The following FOXN3 variants were observed in gnomAD, a reference collection of about 807,000 sequenced individuals.
The protein encoded by FOXN3 is forkhead box N3.
Under a neutral mutation model 38.4 loss-of-function variants are expected in FOXN3, and 7 were observed. The ratio of observed to expected loss-of-function variants is 0.18; its 90% CI spans 0.10 to 0.34. The LOEUF (loss-of-function observed/expected upper bound fraction) is 0.34, where lower values mean the gene tolerates loss of function less well. FOXN3 is among the 10% of genes least tolerant of loss of function. The probability of loss-of-function intolerance (pLI) is 1.00; values close to 1 mark genes in which losing one functional copy is unlikely to be tolerated. For missense variants in FOXN3, 456 were observed against 613.4 expected, an observed-to-expected ratio of 0.74 and a Z score of 2.71; for synonymous variants, 230 against 242.2, an observed-to-expected ratio of 0.95 and a Z score of 0.47.
intron 3 of FOXN3, among the ~76,000 whole-genome samples, chr14:89,329,161 C>T (rs897112187): frequency 6.6e-6 from 1 of 152,166 alleles, no homozygotes; most frequent in African/African-American, 2.4e-5. Context: ...AGATATAGCA[C>T]CCCTCACGGA....
intron 1 of FOXN3, among the ~76,000 whole-genome samples, chr14:89,535,845 C>T (rs1004351588): frequency 6.6e-5 from 10 of 152,136 alleles, no homozygotes; most frequent in Non-Finnish European, 1.5e-4. Context: ...AGGATGAAGT[C>T]AGAGTCACAA....
chr14:89,532,448 T>C (rs1894589289), intron 1 of FOXN3, among the ~76,000 whole-genome samples: 1 of 152,218 alleles, frequency 6.6e-6, no homozygotes, highest in Admixed American at 6.5e-5. Flanking sequence ...TTCTCATGTT[T>C]ATAATAAACA....
At chr14:89,168,896 T>C (rs1369001129) in intron 5 of FOXN3, among the ~76,000 whole-genome samples, 3 of 152,106 alleles carry the variant, frequency 2.0e-5, no homozygotes, top group Non-Finnish European at 4.4e-5. Context: ...AAAGTACTAA[T>C]TAAGATAAAA....
chr14:89,401,712 G>A (rs1316448784), intron 2 of FOXN3: 1 of 454,546 alleles, frequency 2.2e-6, no homozygotes, highest in Non-Finnish European at 4.4e-6. Flanking sequence ...CTAGGTGGGT[G>A]TTTTCTGTCT....
At chr14:89,479,728 A>G (rs1041765563) in intron 1 of FOXN3, among the ~76,000 whole-genome samples, 6 of 152,192 alleles carry the variant, frequency 3.9e-5, no homozygotes, top group Non-Finnish European at 8.8e-5. Flanking sequence ...GACTTTTCCA[A>G]TAGGACAGGT....
chr14:89,463,280 A>C (rs1022404112), intron 1 of FOXN3, among the ~76,000 whole-genome samples: 3 of 151,412 alleles, frequency 2.0e-5, no homozygotes, highest in African/African-American at 7.3e-5. Context: ...TCTCAAAAAA[A>C]AAAGCCACCA....
At chr14:89,281,169 T>C (rs1886450950) in intron 3 of FOXN3, among the ~76,000 whole-genome samples, 155 bp from the exon 4 acceptor site, 1 of 152,178 alleles carries the variant, frequency 6.6e-6, no homozygotes, top group Admixed American at 6.5e-5. Context: ...TGCTTTATTG[T>C]AAACAGGCTT....
At chr14:89,290,098 G>T (rs375111724) in intron 3 of FOXN3, 132 of 172,506 alleles carry the variant, frequency 7.7e-4, no homozygotes, top group African/African-American at 3.0e-3. Context: ...CTATAGCACA[G>T]AATTGTCGGA....
intron 1 of FOXN3, among the ~76,000 whole-genome samples, chr14:89,574,453 G>A (rs1055297921): frequency 6.6e-6 from 1 of 152,148 alleles, no homozygotes; most frequent in Non-Finnish European, 1.5e-5. Context: ...CAGGGAGAGA[G>A]CAGAGAGAGA....
At chr14:89,356,817 G>C (rs1289764549) in intron 2 of FOXN3, among the ~76,000 whole-genome samples, 1 of 152,056 alleles carries the variant, frequency 6.6e-6, no homozygotes, top group African/African-American at 2.4e-5. Flanking sequence ...TTATAGATGG[G>C]AAAAAACACA....
At chr14:89,415,045 C>T (rs528268841) in intron 1 of FOXN3, among the ~76,000 whole-genome samples, 1 of 152,266 alleles carries the variant, frequency 6.6e-6, no homozygotes, top group African/African-American at 2.4e-5. Context: ...CTGGTCTGAT[C>T]CTGCTTTTAA....
At chr14:89,520,334 A>C (rs1894294541) in intron 1 of FOXN3, among the ~76,000 whole-genome samples, 1 of 152,178 alleles carries the variant, frequency 6.6e-6, no homozygotes, top group Non-Finnish European at 1.5e-5. Flanking sequence ...TCCCAGGCTC[A>C]AGCAACGGGT....
chr14:89,206,621 G>T (rs1888392753), intron 4 of FOXN3, among the ~76,000 whole-genome samples: 1 of 152,136 alleles, frequency 6.6e-6, no homozygotes, highest in Non-Finnish European at 1.5e-5. Flanking sequence ...GTTACTTCAT[G>T]ACGGCAACTG....
intron 5 of FOXN3, among the ~76,000 whole-genome samples, chr14:89,177,829 C>A (rs182548435): frequency 1.5e-3 from 231 of 152,262 alleles, no homozygotes; most frequent in African/African-American, 5.4e-3. Flanking sequence ...CCCTGCCCCC[C>A]ACGCAAAGGT....
chr14:89,351,638 C>T (rs1384034274), intron 2 of FOXN3, among the ~76,000 whole-genome samples: 3 of 152,230 alleles, frequency 2.0e-5, no homozygotes, highest in South Asian at 4.1e-4. Flanking sequence ...AGCAGGCCGA[C>T]GGGCAATCGT....
chr14:89,294,297 A>T (rs559921598), intron 3 of FOXN3, among the ~76,000 whole-genome samples: 1 of 152,138 alleles, frequency 6.6e-6, no homozygotes, highest in African/African-American at 2.4e-5. Flanking sequence ...CAACGTGGAG[A>T]GGTGCCCAGA....
rs28858709 is a variant in FOXN3 at position 89,523,585 on chromosome 14, T to C, written c.-15+95443A>G. On this transcript the variant is annotated intron_variant, in intron 1 of 6. Transcript: ENST00000345097. ...ATATTTGAAAACTAAATAACACATC[T>C]CTAAATAATCCATGGATCAAAGAAG... Among the ~76,000 whole-genome samples the C allele has an allele frequency of 3.8e-3, 571 of 152,182 alleles. 5 individuals are homozygous for C. Among genetic ancestry groups the C allele is most frequent in the African/African-American group, 0.013 (533 of 41,516 alleles).
intron 1 of FOXN3, among the ~76,000 whole-genome samples, chr14:89,504,195 AC>A (rs1255985001): frequency 2.0e-5 from 3 of 152,130 alleles, no homozygotes; most frequent in African/African-American, 7.2e-5. Flanking sequence ...TTGCTAATCC[AC>A]TCACGTGCAT....
intron 1 of FOXN3, among the ~76,000 whole-genome samples, chr14:89,428,641 C>G (rs1436091503): frequency 6.6e-6 from 1 of 152,266 alleles, no homozygotes; most frequent in Admixed American, 6.5e-5. Context: ...ATGCCTCACA[C>G]AGCGCCAGGC....
Sources: gnomAD v4.1 joint callset for allele counts (sites outside exome capture counted in the v4.1 genomes callset) on GRCh38, gnomAD v4.1.1 for gene constraint, MANE v1.5 for transcripts, NCBI Gene and HGNC (gene_info 2026-07-23, HGNC 2026-07-21) for gene names.